The following LYRM4 variants were observed in gnomAD, a reference collection of about 807,000 sequenced individuals.
LYRM4 encodes the protein LYR motif-containing protein 4.
In LYRM4, 9 loss-of-function variants were observed where a neutral mutation model predicts 11.7. That is an observed-to-expected ratio of 0.77 (90% CI 0.46 to 1.34). The LOEUF is 1.34. Among genes scored for constraint, LYRM4 ranks in the 40% most tolerant of loss-of-function variants. The pLI, the probability that LYRM4 is intolerant of heterozygous loss-of-function variation, is 0.00. For synonymous variants in LYRM4, 42 were observed against 40.4 expected, an observed-to-expected ratio of 1.04 and a Z score of -0.15; for missense variants, 133 against 112.5, an observed-to-expected ratio of 1.18 and a Z score of -0.82.
the LYRM4 span, chr6:5,033,012 C>G: frequency 6.6e-6 from 1 of 152,372 alleles, no homozygotes; most frequent in Admixed American, 6.5e-5. Flanking sequence ...ACTGCCCACT[C>G]TTCATGGCGG....
At chr6:5,154,549 G>A (rs1561834973) in intron 2 of LYRM4, among the ~76,000 whole-genome samples, 1 of 151,582 alleles carries the variant, frequency 6.6e-6, no homozygotes, top group Admixed American at 6.6e-5. Flanking sequence ...GGGCGCGGTG[G>A]CTCAAGCCTG....
At chr6:5,056,948 A>C in the LYRM4 span, among the ~76,000 whole-genome samples, 1 of 152,324 alleles carries the variant, frequency 6.6e-6, no homozygotes, top group Middle Eastern at 3.4e-3. Flanking sequence ...ATACATTGGT[A>C]GTAGAAGTGA....
the LYRM4 span, among the ~76,000 whole-genome samples, chr6:5,062,960 G>T: frequency 1.3e-5 from 2 of 152,182 alleles, no homozygotes; most frequent in Non-Finnish European, 1.5e-5. Context: ...ATGTGCCGCT[G>T]ACTATCCTGT....
intron 2 of LYRM4, among the ~76,000 whole-genome samples, chr6:5,188,036 T>C (rs890918836): frequency 1.3e-5 from 2 of 152,194 alleles, no homozygotes; most frequent in African/African-American, 2.4e-5. Context: ...TTGAAGTTTT[T>C]TGTCTAAATT....
chr6:5,065,119 T>C, the LYRM4 span, among the ~76,000 whole-genome samples: 1 of 152,306 alleles, frequency 6.6e-6, no homozygotes, highest in Admixed American at 6.5e-5. Context: ...AATCATACAG[T>C]ATATAGCCTT....
the LYRM4 span, chr6:5,086,398 TGCCTGCCCCCGG>T: frequency 4.6e-6 from 7 of 1,536,304 alleles, no homozygotes; most frequent in East Asian, 1.5e-4. Context: ...CTTCTCGCTG[TGCCTGCCCCCGG>T]GCCTGCAGCC....
chr6:5,198,130 G>A (rs1425456048), intron 2 of LYRM4, among the ~76,000 whole-genome samples: 1 of 152,092 alleles, frequency 6.6e-6, no homozygotes, highest in African/African-American at 2.4e-5. Context: ...CCCAGAAGGC[G>A]GAGGTTACAG....
At chr6:5,039,734 A>AGGG in the LYRM4 span, among the ~76,000 whole-genome samples, 11 of 152,362 alleles carry the variant, frequency 7.2e-5, no homozygotes, top group South Asian at 2.1e-3. Context: ...ACAGAGTTTT[A>AGGG]GATATGAAAA....
chr6:5,106,899 C>T (rs1004974883), downstream of LYRM4: 1 of 152,280 alleles, frequency 6.6e-6, no homozygotes, highest in Non-Finnish European at 1.5e-5. Flanking sequence ...TGCCCACATT[C>T]CCCTCAGTTG....
At chr6:5,254,020 A>G (rs1764555968) in intron 1 of LYRM4, among the ~76,000 whole-genome samples, 1 of 152,178 alleles carries the variant, frequency 6.6e-6, no homozygotes, top group Non-Finnish European at 1.5e-5. Context: ...TGCATCAAAA[A>G]AAGGTCATGC....
the LYRM4 span, among the ~76,000 whole-genome samples, chr6:5,048,292 T>G: frequency 3.0e-5 from 3 of 98,372 alleles, no homozygotes; most frequent in Non-Finnish European, 5.5e-5. Context: ...CACTTTGTGG[T>G]GTGTGTGTGT....
At chr6:5,143,183 G>A (rs1757503590) in intron 2 of LYRM4, among the ~76,000 whole-genome samples, 1 of 151,840 alleles carries the variant, frequency 6.6e-6, no homozygotes, top group Non-Finnish European at 1.5e-5. Flanking sequence ...ACATTGAGGA[G>A]GCCAAGCCTG....
the LYRM4 span, among the ~76,000 whole-genome samples, chr6:5,057,100 C>T: frequency 2.0e-5 from 3 of 152,154 alleles, no homozygotes; most frequent in East Asian, 3.9e-4. Flanking sequence ...ATTGCTTTTG[C>T]GGTATCAGTG....
At chr6:5,171,543 A>G (rs1197462952) in intron 2 of LYRM4, among the ~76,000 whole-genome samples, 1 of 152,260 alleles carries the variant, frequency 6.6e-6, no homozygotes, top group African/African-American at 2.4e-5. Flanking sequence ...AGTGAAGGCT[A>G]AAAGAAAGCC....
At chr6:5,085,504 C>G in the LYRM4 span, 2 of 1,536,826 alleles carry the variant, frequency 1.3e-6, no homozygotes, top group African/African-American at 2.7e-5. Flanking sequence ...CATAGGGGCG[C>G]GGCTAAGTTT....
chr6:5,085,040 G>A, the LYRM4 span: 1 of 175,912 alleles, frequency 5.7e-6, no homozygotes, highest in Non-Finnish European at 1.2e-5. Flanking sequence ...CGCGAGCTCT[G>A]CACCCCCACT....
intron 2 of LYRM4, among the ~76,000 whole-genome samples, chr6:5,133,398 G>T (rs1461399259): frequency 6.6e-6 from 1 of 152,148 alleles, no homozygotes; most frequent in Admixed American, 6.5e-5. Context: ...AACTTGCACG[G>T]GCTTAAATCT....
intron 2 of LYRM4, among the ~76,000 whole-genome samples, chr6:5,133,981 C>G (rs1354614991): frequency 6.6e-6 from 1 of 152,224 alleles, no homozygotes; most frequent in African/African-American, 2.4e-5. Flanking sequence ...CGTGGAAATA[C>G]CACATATTGT....
At chr6:5,087,666 G>A in the LYRM4 span, 3 of 152,508 alleles carry the variant, frequency 2.0e-5, no homozygotes, top group East Asian at 5.8e-4. Context: ...CCACAGTGGG[G>A]AGTGGTGACT....
Sources: allele counts gnomAD v4.1 joint callset (sites outside exome capture counted in the v4.1 genomes callset), GRCh38; gene constraint gnomAD v4.1.1; transcripts MANE v1.5; gene names NCBI Gene and HGNC (gene_info 2026-07-23, HGNC 2026-07-21).